Variants in C16orf96 observed in about 807,000 individuals in gnomAD.
The protein encoded by C16orf96 is uncharacterized protein C16orf96.
In C16orf96, 108 loss-of-function variants were observed where a neutral mutation model predicts 103.6. That is an observed-to-expected ratio of 1.04 (90% CI 0.89 to 1.22). The LOEUF (loss-of-function observed/expected upper bound fraction) is 1.22, where lower values mean the gene tolerates loss of function less well. Among genes scored for constraint, C16orf96 ranks in the 50% most tolerant of loss-of-function variants. The pLI, the probability that C16orf96 is intolerant of heterozygous loss-of-function variation, is 0.00. For missense variants in C16orf96, 1,586 were observed against 1,464.2 expected, an observed-to-expected ratio of 1.08 and a Z score of -1.36; for synonymous variants, 566 against 593.5, an observed-to-expected ratio of 0.95 and a Z score of 0.67.
chr16:4,576,436 C>G lies in C16orf96; in HGVS notation c.1956C>G (p.Tyr652Ter), dbSNP rs78854936. 176 of 1,551,294 alleles carry G rather than the reference C, an allele frequency of 1.1e-4. No individual in the cohort carries two copies. The African/African-American group carries it at 2.1e-3, about 19-fold the overall frequency. The part of the protein sequence containing the change: ...SEIYEILSPS[Y>*]SAASIGPDPA... The stretch of plus-strand genomic sequence containing the variant: ...TCTACGAAATCCTCTCTCCCTCCTA[C>G]TCTGCTGCCAGCATCGGTCCCGATC... Residue 652 changes from tyrosine to a stop codon, truncating the protein, a stop_gained, in exon 5 of 16, where the codon TAC becomes TAG. Transcript: ENST00000444310. LOFTEE classifies it high-confidence loss of function.
At chr16:4,553,512 A>G (rs986183593), upstream of C16orf96, among the ~76,000 whole-genome samples, 1 of 151,846 alleles carries the variant, frequency 6.6e-6, no homozygotes, top group African/African-American at 2.4e-5. Context: ...TAATTTTGGT[A>G]TATTTTTTAG....
chr16:4,586,424 G>A (rs555328321), intron 7 of C16orf96, among the ~76,000 whole-genome samples: 2 of 152,218 alleles, frequency 1.3e-5, no homozygotes, highest in Non-Finnish European at 2.9e-5. Context: ...CGGGACACCC[G>A]ACAGGAAGAG....
rs528431653 is a variant in C16orf96 at position 4,579,481 on chromosome 16, G to T, written c.2241+456G>T. On this transcript the variant is annotated intron_variant, in intron 6 of 15. Transcript: ENST00000444310. ...AGGTGGGAGGATCACTTGAGCCTGG[G>T]AGGTGGAGGCTGCAATGAGCCAAGA... is the stretch of plus-strand genomic sequence containing the variant. 2.1e-3 allele frequency among the ~76,000 whole-genome samples: 314 copies of T among 149,486 alleles called. 2 individuals carry two copies. Among genetic ancestry groups the T allele is most frequent in the African/African-American group, 7.3e-3 (297 of 40,664 alleles).
intron 8 of C16orf96, among the ~76,000 whole-genome samples, chr16:4,587,830 G>T (rs1026900813): frequency 3.3e-5 from 5 of 151,978 alleles, no homozygotes; most frequent in African/African-American, 9.7e-5. Context: ...CAGCCACTCA[G>T]GAGGCTGAGG....
At chr16:4,592,815 G>A (rs1476765051) in intron 11 of C16orf96, among the ~76,000 whole-genome samples, 2 of 152,114 alleles carry the variant, frequency 1.3e-5, no homozygotes, top group African/African-American at 4.8e-5. Context: ...AGTGAGCTAG[G>A]ATTGTGCCAC....
At chr16:4,574,616 C>A in intron 2 of C16orf96, 93 bp from the exon 3 acceptor site, 1 of 981,718 alleles carries the variant, frequency 1.0e-6, no homozygotes, top group Non-Finnish European at 1.5e-6. Flanking sequence ...CCCGTTCTTC[C>A]TTCTCAAGCT....
intron 1 of C16orf96, among the ~76,000 whole-genome samples, chr16:4,566,014 T>G (rs555118122): frequency 6.6e-6 from 1 of 152,282 alleles, no homozygotes; most frequent in East Asian, 1.9e-4. Flanking sequence ...GGCTAATTTT[T>G]AAGTTTTATG....
chr16:4,594,372 C>T lies in C16orf96; in HGVS notation c.2889C>T (p.Leu963=). The change falls in exon 13 of 16, where the codon CTC becomes CTT. Residue 963 remains leucine (L), a synonymous_variant. Coordinates refer to ENST00000444310, the MANE Select transcript of C16orf96 (RefSeq NM_001145011.2). ...QQMREQQWLQ[L]QDLGIQEDCQ... is the part of the protein sequence containing the mutation. ...GCAGGGAACAGCAGTGGCTGCAGCT[C>T]CAGGACCTCGGTATCCAGGAGGATT... is the stretch of plus-strand genomic sequence containing the variant. The T allele has an allele frequency of 1.3e-6, 2 of 1,550,550 alleles. 1 individual carries two copies. The highest frequency in any genetic ancestry group is 1.7e-6 in the Non-Finnish European group (2 of 1,146,946).
intron 2 of C16orf96, among the ~76,000 whole-genome samples, chr16:4,574,211 T>A (rs148377785): frequency 5.7e-4 from 87 of 151,476 alleles, no homozygotes; most frequent in African/African-American, 1.8e-3. Flanking sequence ...TTGAAATGTT[T>A]TTTATTTATT....
chr16:4,597,348 T>A (rs1897194536), intron 14 of C16orf96, among the ~76,000 whole-genome samples: 1 of 151,778 alleles, frequency 6.6e-6, no homozygotes, highest in South Asian at 2.1e-4. Flanking sequence ...TGCCAAGGAG[T>A]TTCACAAATG....
intron 1 of C16orf96, 146 bp downstream of exon 1, chr16:4,557,055 C>G: frequency 1.1e-6 from 1 of 901,766 alleles, no homozygotes; most frequent in South Asian, 2.1e-5. Context: ...CTGCAACCTC[C>G]GCCTCCCGGG....
intron 1 of C16orf96, among the ~76,000 whole-genome samples, chr16:4,566,738 A>G (rs1176735585): frequency 6.6e-6 from 1 of 152,040 alleles, no homozygotes; most frequent in Non-Finnish European, 1.5e-5. Flanking sequence ...TGCTTGAGTC[A>G]GTTTTAATGA....
intron 11 of C16orf96, 89 bp downstream of exon 11, chr16:4,592,456 A>G: frequency 4.9e-6 from 7 of 1,426,388 alleles, no homozygotes; most frequent in Non-Finnish European, 6.7e-6. Context: ...GCACCGTTCC[A>G]TGCACGCTGT....
At chr16:4,544,331 C>T in the C16orf96 span, among the ~76,000 whole-genome samples, 3 of 152,110 alleles carry the variant, frequency 2.0e-5, no homozygotes, top group Admixed American at 6.6e-5. Flanking sequence ...TCTGGCTGGA[C>T]GCAATGGCTC....
rs1458296018 is a variant in C16orf96 at position 4,576,461 on chromosome 16, C to A, written c.1981C>A (p.Pro661Thr). The A allele has an allele frequency of 2.6e-6, 4 of 1,551,340 alleles. No individual in the cohort carries two copies. In the East Asian group the frequency reaches 7.3e-5, roughly 28 times the overall value. Residue 661 changes from proline to threonine, a missense_variant, in exon 5 of 16, where the codon CCA becomes ACA. Pro to Thr is a conservative substitution (Grantham distance 38). Coordinates refer to ENST00000444310, the MANE Select transcript of C16orf96 (RefSeq NM_001145011.2). ...SYSAASIGPD[P>T]ALSQAMVATK... Reference sequence around the variant, plus strand: ...CTCTGCTGCCAGCATCGGTCCCGATCCAGCCCTGTCCCAGGCCATGGTGGC... The same window carrying A: ...CTCTGCTGCCAGCATCGGTCCCGATACAGCCCTGTCCCAGGCCATGGTGGC...
At chr16:4,550,050 TTC>T in the C16orf96 span, among the ~76,000 whole-genome samples, 1 of 152,068 alleles carries the variant, frequency 6.6e-6, no homozygotes, top group African/African-American at 2.4e-5. Flanking sequence ...TTTCTGTATC[TTC>T]TGTTATTGAG....
At chr16:4,559,030 A>C (rs2059299673) in intron 1 of C16orf96, among the ~76,000 whole-genome samples, 1 of 149,944 alleles carries the variant, frequency 6.7e-6, no homozygotes, top group African/African-American at 2.5e-5. Flanking sequence ...TGTTGCAGTG[A>C]GTTGAGATCG....
intron 9 of C16orf96, among the ~76,000 whole-genome samples, chr16:4,589,101 C>G (rs890637331): frequency 1.3e-5 from 2 of 152,160 alleles, no homozygotes; most frequent in African/African-American, 2.4e-5. Flanking sequence ...AGACTCTCCT[C>G]CTCCACCCCA....
In C16orf96 at chr16:4,587,038, G is replaced by C. The variant is rs1449638861; in HGVS notation, c.2353-1G>C. On this transcript the variant is annotated splice_acceptor_variant, in intron 7 of 15. Transcript: ENST00000444310. LOFTEE classifies it high-confidence loss of function. ...AGACATGCCTGTGCTTCTGTTCTTA[G>C]ACTCTCCAGGCTCAAATCAAAAGAC... is the stretch of plus-strand genomic sequence containing the variant. 3 of 1,551,246 alleles carry C rather than the reference G, an allele frequency of 1.9e-6. No homozygotes were observed. The African/African-American group carries it at 4.1e-5, about 21-fold the overall frequency.
Sources: allele counts gnomAD v4.1 joint callset (sites outside exome capture counted in the v4.1 genomes callset), GRCh38; gene constraint gnomAD v4.1.1; transcripts MANE v1.5; gene names NCBI Gene and HGNC (gene_info 2026-07-23, HGNC 2026-07-21).